PLXNA4: variants seen among roughly 807,000 people sequenced by gnomAD.
The protein encoded by PLXNA4 is plexin A4, also known as plexin-A4.
Under a neutral mutation model 191.8 loss-of-function variants are expected in PLXNA4, and 44 were observed. That is an observed-to-expected ratio of 0.23 (90% CI 0.18 to 0.29). The LOEUF is 0.29. Ranked by LOEUF, PLXNA4 falls within the 10% of genes least tolerant of loss-of-function variation. PLXNA4 has a pLI of 1.00. For missense variants in PLXNA4, 1,800 were observed against 2,488.8 expected, an observed-to-expected ratio of 0.72 and a Z score of 5.89; for synonymous variants, 1,082 against 1,009.5, an observed-to-expected ratio of 1.07 and a Z score of -1.36.
At chr7:132,185,172 G>A (rs757248378) in intron 16 of PLXNA4, 127 bp downstream of exon 16, 101 of 1,347,096 alleles carry the variant, frequency 7.5e-5, no homozygotes, top group Non-Finnish European at 9.5e-5. Context: ...GGGGGTGTTT[G>A]GAATCAATTC....
chr7:132,384,425 C>T (rs558530394), intron 3 of PLXNA4: 29 of 985,500 alleles, frequency 2.9e-5, no homozygotes, highest in Non-Finnish European at 3.3e-5. Flanking sequence ...TCCTCCCCAC[C>T]GGCTCTATGG....
intron 3 of PLXNA4, among the ~76,000 whole-genome samples, chr7:132,398,445 G>A (rs1793848699): frequency 6.6e-6 from 1 of 152,210 alleles, no homozygotes; most frequent in Non-Finnish European, 1.5e-5. Flanking sequence ...AGCCAAGCCA[G>A]GAGGGCCCTG....
chr7:132,152,403 C>T (rs1039302613), intron 25 of PLXNA4, among the ~76,000 whole-genome samples: 7 of 152,200 alleles, frequency 4.6e-5, no homozygotes, highest in African/African-American at 1.7e-4. Flanking sequence ...GAATCAGCCT[C>T]AGGAGGCCCT....
chr7:132,372,660 G>C (rs1034976022), intron 3 of PLXNA4, among the ~76,000 whole-genome samples: 1 of 152,226 alleles, frequency 6.6e-6, no homozygotes, highest in East Asian at 1.9e-4. Flanking sequence ...GCATTAGAGA[G>C]ATGAAGCCTT....
chr7:132,469,936 A>G (rs1796870917), intron 3 of PLXNA4, among the ~76,000 whole-genome samples: 1 of 152,180 alleles, frequency 6.6e-6, no homozygotes, highest in Non-Finnish European at 1.5e-5. Flanking sequence ...CCTTTGGGAG[A>G]GAGGACACCA....
intron 3 of PLXNA4, among the ~76,000 whole-genome samples, chr7:132,325,900 C>G (rs1273198519): frequency 6.6e-6 from 1 of 152,308 alleles, no homozygotes; most frequent in African/African-American, 2.4e-5. Flanking sequence ...GATTCCAACA[C>G]AGCTGAAAGC....
At chr7:132,547,697 A>G (rs1452564612) in intron 1 of PLXNA4, among the ~76,000 whole-genome samples, 2 of 152,318 alleles carry the variant, frequency 1.3e-5, no homozygotes, top group South Asian at 4.1e-4. Context: ...ACCACAGAGA[A>G]AACAGGGAGG....
At chr7:132,588,794 G>GAAGA (rs371107501) in intron 2 of PLXNA4, among the ~76,000 whole-genome samples, 1,972 of 145,256 alleles carry the variant, frequency 0.014, 40 homozygotes, top group African/African-American at 0.048. Flanking sequence ...GAAAAAGAAA[G>GAAGA]AAGAAAGAAA....
Position 132,298,112 on chromosome 7 carries a change from G to T in PLXNA4, c.1482C>A (p.Leu494=). ...TTACCTGCCTCTCTGACATGATGTA[G>T]AGTTGCTCGTGGTCCTTGGAGAAGG... ...DMAFSKDHEQ[L]YIMSERQLTR... Residue 494 remains leucine, a synonymous_variant, in exon 4 of 32, where the codon CTC becomes CTA. Transcript: ENST00000321063. The T allele has an allele frequency of 6.2e-7, 1 of 1,614,192 alleles. No homozygotes were observed. Among genetic ancestry groups the T allele is most frequent in the Non-Finnish European group, 8.5e-7 (1 of 1,180,032 alleles).
intron 4 of PLXNA4, among the ~76,000 whole-genome samples, chr7:132,248,969 T>C (rs1031554891): frequency 1.3e-5 from 2 of 152,220 alleles, no homozygotes; most frequent in Non-Finnish European, 2.9e-5. Flanking sequence ...TGGGCCTCAC[T>C]TGACGGCAGA....
At chr7:132,444,258 C>A (rs1174684279) in intron 3 of PLXNA4, among the ~76,000 whole-genome samples, 1 of 152,236 alleles carries the variant, frequency 6.6e-6, no homozygotes, top group African/African-American at 2.4e-5. Context: ...AGTAACTCTT[C>A]TCTTTCTTTT....
chr7:132,468,303 T>A (rs77035039), intron 3 of PLXNA4, among the ~76,000 whole-genome samples: 3 of 152,056 alleles, frequency 2.0e-5, no homozygotes, highest in Admixed American at 2.0e-4. Context: ...ATATAATTCA[T>A]ATTTACAGGA....
At chr7:132,249,685 G>A (rs996481691) in intron 4 of PLXNA4, among the ~76,000 whole-genome samples, 1 of 152,262 alleles carries the variant, frequency 6.6e-6, no homozygotes, top group Non-Finnish European at 1.5e-5. Flanking sequence ...GGTGGCAAAG[G>A]TGGAAATTGA....
chr7:132,357,593 G>C (rs1803764190), intron 3 of PLXNA4, among the ~76,000 whole-genome samples: 2 of 152,210 alleles, frequency 1.3e-5, no homozygotes, highest in South Asian at 4.2e-4. Context: ...TGGTTGCCAT[G>C]AAGATAGGAT....
At chr7:132,549,354 C>G (rs1283478121) in intron 1 of PLXNA4, among the ~76,000 whole-genome samples, 1 of 152,114 alleles carries the variant, frequency 6.6e-6, no homozygotes, top group African/African-American at 2.4e-5. Flanking sequence ...CCTAATTTCC[C>G]CTCGTACAAA....
intron 9 of PLXNA4, among the ~76,000 whole-genome samples, chr7:132,221,065 T>C (rs1302423482): frequency 1.3e-5 from 2 of 151,970 alleles, no homozygotes; most frequent in Non-Finnish European, 2.9e-5. Context: ...TCCTGACTGG[T>C]CTTGAACTCC....
chr7:132,224,123 T>G (rs1798235147), intron 8 of PLXNA4, among the ~76,000 whole-genome samples: 2 of 152,110 alleles, frequency 1.3e-5, no homozygotes, highest in African/African-American at 2.4e-5. Context: ...AACCCCACCT[T>G]TCCCCTTTAC....
chr7:132,538,030 C>G (rs936374565), intron 1 of PLXNA4, among the ~76,000 whole-genome samples: 2 of 152,246 alleles, frequency 1.3e-5, no homozygotes, highest in Non-Finnish European at 2.9e-5. Context: ...GCTCACATTT[C>G]AAGTCCTCCA....
At chr7:132,317,410 G>C (rs1178073864) in intron 3 of PLXNA4, among the ~76,000 whole-genome samples, 1 of 151,930 alleles carries the variant, frequency 6.6e-6, no homozygotes, top group East Asian at 1.9e-4. Flanking sequence ...GGGTTGGGTT[G>C]AATTTGATTG....
Sources: allele counts gnomAD v4.1 joint callset (sites outside exome capture counted in the v4.1 genomes callset), GRCh38; gene constraint gnomAD v4.1.1; transcripts MANE v1.5; gene names NCBI Gene and HGNC (gene_info 2026-07-23, HGNC 2026-07-21).